The following HEMK2 variants were observed in gnomAD, a reference collection of about 807,000 sequenced individuals.
HEMK2 encodes the protein HemK methyltransferase 2, ETF1 glutamine and histone H4 lysine.
chr21:28,797,083 G>A, the HEMK2 span, among the ~76,000 whole-genome samples: 1 of 152,186 alleles, frequency 6.6e-6, no homozygotes, highest in African/African-American at 2.4e-5. Flanking sequence ...TCCCAATAGA[G>A]ATAAGGAATT....
the HEMK2 span, among the ~76,000 whole-genome samples, chr21:28,854,707 C>T: frequency 6.6e-6 from 1 of 152,124 alleles, no homozygotes; most frequent in Non-Finnish European, 1.5e-5. Flanking sequence ...GGCTGGGAGG[C>T]TAGGCCAGTT....
At chr21:28,702,341 T>G in the HEMK2 span, among the ~76,000 whole-genome samples, 1 of 151,752 alleles carries the variant, frequency 6.6e-6, no homozygotes, top group Admixed American at 6.6e-5. Context: ...GTGACCTAAT[T>G]AAATTTAAGA....
the HEMK2 span, among the ~76,000 whole-genome samples, chr21:28,684,929 A>G: frequency 1.3e-5 from 2 of 152,236 alleles, no homozygotes; most frequent in East Asian, 3.8e-4. Context: ...ACACTAGTTA[A>G]AGAGGTAAAG....
chr21:28,628,334 T>C, the HEMK2 span, among the ~76,000 whole-genome samples: 2 of 152,338 alleles, frequency 1.3e-5, no homozygotes, highest in Middle Eastern at 6.8e-3. Context: ...TGGTTTTAAT[T>C]GATCTTTGCA....
At chr21:28,850,217 C>CTT in the HEMK2 span, among the ~76,000 whole-genome samples, 10,536 of 94,290 alleles carry the variant, frequency 0.11, 1,066 homozygotes, top group East Asian at 0.33. Context: ...ATTCAGCATT[C>CTT]TTTTTTTTTT....
At chr21:28,665,222 G>A in the HEMK2 span, among the ~76,000 whole-genome samples, 6 of 151,224 alleles carry the variant, frequency 4.0e-5, no homozygotes, top group East Asian at 1.9e-4. Flanking sequence ...GTGAGACGTC[G>A]CGATCTCATC....
chr21:28,796,902 TA>T, the HEMK2 span, among the ~76,000 whole-genome samples: 1 of 152,194 alleles, frequency 6.6e-6, no homozygotes, highest in Non-Finnish European at 1.5e-5. Context: ...TAACAATTAA[TA>T]TTAAAGGCAC....
At chr21:28,605,279 C>A in the HEMK2 span, among the ~76,000 whole-genome samples, 1 of 152,172 alleles carries the variant, frequency 6.6e-6, no homozygotes, top group South Asian at 2.1e-4. Context: ...TGCTGAGTCT[C>A]AAATATATTG....
chr21:28,696,286 C>A, the HEMK2 span, among the ~76,000 whole-genome samples: 84,611 of 152,072 alleles, frequency 0.56, 26,204 homozygotes, highest in East Asian at 0.84. Flanking sequence ...AAACCACAAC[C>A]GGGGTACAGG....
chr21:28,764,305 T>C, the HEMK2 span, among the ~76,000 whole-genome samples: 1 of 152,078 alleles, frequency 6.6e-6, no homozygotes, highest in Non-Finnish European at 1.5e-5. Context: ...ATATTTGCTA[T>C]GTGGAAAAGA....
At chr21:28,721,195 A>G in the HEMK2 span, among the ~76,000 whole-genome samples, 3 of 152,150 alleles carry the variant, frequency 2.0e-5, no homozygotes, top group Non-Finnish European at 4.4e-5. Flanking sequence ...AGCTCAATGA[A>G]GCCTCGACCT....
At chr21:28,601,448 TAG>T in the HEMK2 span, among the ~76,000 whole-genome samples, 1 of 152,218 alleles carries the variant, frequency 6.6e-6, no homozygotes, top group African/African-American at 2.4e-5. Context: ...TTCAGCTTCT[TAG>T]AGTTTTTGCT....
the HEMK2 span, among the ~76,000 whole-genome samples, chr21:28,703,683 G>A: frequency 2.6e-5 from 4 of 152,188 alleles, no homozygotes; most frequent in African/African-American, 9.7e-5. Flanking sequence ...GCACTTCCCT[G>A]TGGTAGCTGT....
chr21:28,707,462 G>T, the HEMK2 span, among the ~76,000 whole-genome samples: 3 of 151,644 alleles, frequency 2.0e-5, no homozygotes, highest in Non-Finnish European at 4.4e-5. Context: ...CACCATGTTG[G>T]CCAGGCTGGT....
At chr21:28,695,170 T>C in the HEMK2 span, among the ~76,000 whole-genome samples, 1 of 152,186 alleles carries the variant, frequency 6.6e-6, no homozygotes, top group Non-Finnish European at 1.5e-5. Context: ...GAACAAATAA[T>C]GAACCAGTGA....
At chr21:28,604,376 C>T in the HEMK2 span, among the ~76,000 whole-genome samples, 2 of 152,078 alleles carry the variant, frequency 1.3e-5, no homozygotes, top group Non-Finnish European at 2.9e-5. Context: ...CAAACCTGCA[C>T]ATTGTGCACA....
chr21:28,626,996 T>A, the HEMK2 span, among the ~76,000 whole-genome samples: 1 of 152,172 alleles, frequency 6.6e-6, no homozygotes, highest in African/African-American at 2.4e-5. Flanking sequence ...AAATGTACAT[T>A]AACAGCTGAA....
At chr21:28,650,160 T>C in the HEMK2 span, among the ~76,000 whole-genome samples, 1 of 151,826 alleles carries the variant, frequency 6.6e-6, no homozygotes, top group Admixed American at 6.6e-5. Flanking sequence ...ACTTTGGGAG[T>C]CCAAGGCGGG....
At chr21:28,755,177 A>G in the HEMK2 span, among the ~76,000 whole-genome samples, 7 of 152,182 alleles carry the variant, frequency 4.6e-5, no homozygotes, top group Non-Finnish European at 2.9e-5. Context: ...CCAAAATGAG[A>G]AGGCTAATGG....
Sources: gnomAD v4.1 joint callset for allele counts (sites outside exome capture counted in the v4.1 genomes callset) on GRCh38, gnomAD v4.1.1 for gene constraint, MANE v1.5 for transcripts, NCBI Gene and HGNC (gene_info 2026-07-23, HGNC 2026-07-21) for gene names.